Variants in FOXN3 observed in about 807,000 individuals in gnomAD.
FOXN3 encodes forkhead box protein N3.
FOXN3 carries 7 observed loss-of-function variants against 38.4 expected under a neutral mutation model. That is an observed-to-expected ratio of 0.18 (90% CI 0.10 to 0.34). The LOEUF is 0.34. FOXN3 is among the 10% of genes least tolerant of loss of function. The probability of loss-of-function intolerance (pLI) is 1.00; values close to 1 mark genes in which losing one functional copy is unlikely to be tolerated. For missense variants in FOXN3, 456 were observed against 613.4 expected (o/e 0.74, Z 2.71); for synonymous variants, 230 against 242.2 (o/e 0.95, Z 0.47).
chr14:89,260,147 A>G (rs1426038956), intron 4 of FOXN3, among the ~76,000 whole-genome samples: 1 of 152,218 alleles, frequency 6.6e-6, no homozygotes, highest in African/African-American at 2.4e-5. Flanking sequence ...TAATCCTGGG[A>G]ATTCCAAATA....
chr14:89,193,379 G>A (rs1246991862), intron 4 of FOXN3, among the ~76,000 whole-genome samples: 1 of 152,086 alleles, frequency 6.6e-6, no homozygotes, highest in African/African-American at 2.4e-5. Context: ...AGAAGACATA[G>A]TGAAAGAAAG....
intron 1 of FOXN3, among the ~76,000 whole-genome samples, chr14:89,533,537 C>T (rs1325416599): frequency 6.6e-6 from 1 of 151,976 alleles, no homozygotes; most frequent in East Asian, 1.9e-4. Context: ...GTGGCGGGGG[C>T]CTGTAGCCCG....
intron 4 of FOXN3, among the ~76,000 whole-genome samples, chr14:89,183,431 T>C (rs1887723616): frequency 6.6e-6 from 1 of 152,032 alleles, no homozygotes; most frequent in South Asian, 2.1e-4. Context: ...ATGATGGGGA[T>C]ATAAGGTAAC....
intron 4 of FOXN3, among the ~76,000 whole-genome samples, chr14:89,261,891 T>C (rs1885817001): frequency 6.6e-6 from 1 of 152,048 alleles, no homozygotes; most frequent in Non-Finnish European, 1.5e-5. Flanking sequence ...TCATGTCAAC[T>C]GCACTCCAGT....
At chr14:89,319,068 G>C (rs1051057891) in intron 3 of FOXN3, among the ~76,000 whole-genome samples, 3 of 152,166 alleles carry the variant, frequency 2.0e-5, no homozygotes, top group African/African-American at 7.2e-5. Flanking sequence ...ATAGGATGTT[G>C]GTACCTGAGT....
intron 4 of FOXN3, among the ~76,000 whole-genome samples, chr14:89,224,090 C>G (rs1884555191): frequency 6.6e-6 from 1 of 152,154 alleles, no homozygotes; most frequent in African/African-American, 2.4e-5. Context: ...GTCAAAATCT[C>G]AGTAAGGTCA....
intron 2 of FOXN3, among the ~76,000 whole-genome samples, chr14:89,382,366 G>A (rs1409468428): frequency 6.6e-6 from 1 of 152,022 alleles, no homozygotes; most frequent in African/African-American, 2.4e-5. Flanking sequence ...GCCTTCAAAT[G>A]TTCCCCAGTA....
At chr14:89,471,696 C>T (rs1055098487) in intron 1 of FOXN3, among the ~76,000 whole-genome samples, 8 of 152,168 alleles carry the variant, frequency 5.3e-5, no homozygotes, top group African/African-American at 1.9e-4. Flanking sequence ...TTTATAAATG[C>T]TTCAGCTCTC....
chr14:89,452,934 C>T (rs902853700), intron 1 of FOXN3, among the ~76,000 whole-genome samples: 1 of 152,228 alleles, frequency 6.6e-6, no homozygotes, highest in South Asian at 2.1e-4. Flanking sequence ...CACGGCAGCT[C>T]ACGCCAGTAA....
intron 1 of FOXN3, among the ~76,000 whole-genome samples, chr14:89,544,198 C>T (rs538837252): frequency 8.6e-5 from 13 of 151,988 alleles, no homozygotes; most frequent in South Asian, 4.2e-4. Flanking sequence ...CCTGCTACCA[C>T]GCCCAGCTAA....
rs1887162190 is a variant in FOXN3, at chr14:89,163,580, T to C, written c.852-611A>G. ...GAGGGACACGGGGTTGGATCGGATA[T>C]AGACACTGCCACAGCGATGTTGCAG... On this transcript the variant is annotated intron_variant, in intron 5 of 5. Coordinates refer to ENST00000557258, the MANE Select transcript of FOXN3 (RefSeq NM_005197.4). The surrounding 1 kb of genome is among the most constrained non-coding windows in gnomAD (Gnocchi z 4.3). 6.6e-6 allele frequency among the ~76,000 whole-genome samples: 1 copy of C among 152,136 alleles called. No homozygotes were observed. Among genetic ancestry groups the C allele is most frequent in the Admixed American group, 6.5e-5 (1 of 15,276 alleles).
At chr14:89,182,632 C>T (rs1025709475) in intron 4 of FOXN3, among the ~76,000 whole-genome samples, 2 of 152,124 alleles carry the variant, frequency 1.3e-5, no homozygotes, top group African/African-American at 2.4e-5. Context: ...TGGTATGCAG[C>T]GAATTATCAT....
At chr14:89,463,411 C>T (rs1892896797) in intron 1 of FOXN3, among the ~76,000 whole-genome samples, 1 of 152,126 alleles carries the variant, frequency 6.6e-6, no homozygotes, top group Non-Finnish European at 1.5e-5. Flanking sequence ...ATTAAGTCTC[C>T]AATACATGAA....
chr14:89,313,219 A>G (rs1363081986), intron 3 of FOXN3, among the ~76,000 whole-genome samples: 2 of 152,252 alleles, frequency 1.3e-5, no homozygotes, highest in Non-Finnish European at 2.9e-5. Context: ...AGATGAATCC[A>G]TACAAGGGGA....
chr14:89,552,885 C>T (rs978663659), intron 1 of FOXN3, among the ~76,000 whole-genome samples: 9 of 152,140 alleles, frequency 5.9e-5, no homozygotes, highest in Non-Finnish European at 8.8e-5. Flanking sequence ...AGCGAGACTC[C>T]GTCTCCAAAA....
intron 3 of FOXN3, among the ~76,000 whole-genome samples, chr14:89,305,481 G>A (rs1393921388): frequency 4.6e-5 from 7 of 152,200 alleles, no homozygotes; most frequent in Admixed American, 4.6e-4. Context: ...TATTAGCATA[G>A]GAATTTATCA....
In FOXN3 at chr14:89,300,827, C is replaced by T. The variant is rs1456876094; in HGVS notation, c.681-19813G>A. On this transcript the variant is annotated intron_variant, in intron 3 of 5. Transcript: ENST00000557258. ...TATTTATTTATTTGAGATGGAGTCT[C>T]GCTCTGTTGCTCAGGCTGGAGTGCA... is the stretch of plus-strand genomic sequence containing the variant. Among the ~76,000 whole-genome samples the T allele has an allele frequency of 3.3e-5, 5 of 152,178 alleles. No homozygotes were observed. In the South Asian group the frequency reaches 8.3e-4, roughly 25 times the overall value.
At chr14:89,382,577 T>C (rs897377380) in intron 2 of FOXN3, among the ~76,000 whole-genome samples, 4 of 152,158 alleles carry the variant, frequency 2.6e-5, no homozygotes, top group South Asian at 4.1e-4. Context: ...ACAAATGCCC[T>C]TTCAGGTGGG....
intron 4 of FOXN3, among the ~76,000 whole-genome samples, chr14:89,192,610 TATATAAACTATATA>T (rs535961448): frequency 0.023 from 3,315 of 142,564 alleles, 122 homozygotes; most frequent in African/African-American, 0.079. Context: ...TAATATAAGC[TATATAAACTATATA>T]ATATAAACTA....
Sources: allele counts gnomAD v4.1 joint callset (sites outside exome capture counted in the v4.1 genomes callset), GRCh38; gene constraint gnomAD v4.1.1; non-coding constraint Gnocchi (gnomAD v3.1); transcripts MANE v1.5; gene names NCBI Gene and HGNC (gene_info 2026-07-23, HGNC 2026-07-21).